The following NHSL1 variants were observed in gnomAD, a reference collection of about 807,000 sequenced individuals.
The protein encoded by NHSL1 is NHS like 1.
NHSL1 carries 48 observed loss-of-function variants against 95.0 expected under a neutral mutation model. The ratio of observed to expected loss-of-function variants is 0.51; its 90% confidence interval spans 0.40 to 0.64. NHSL1 has a LOEUF of 0.64. NHSL1 is among the 30% of genes least tolerant of loss of function. The pLI is 0.00. For synonymous variants in NHSL1, 783 were observed against 833.9 expected, an observed-to-expected ratio of 0.94 and a Z score of 1.05; for missense variants, 1,971 against 2,077.7, an observed-to-expected ratio of 0.95 and a Z score of 1.00.
Position 138,432,945 on chromosome 6 carries a change from G to C in NHSL1, c.1400C>G (p.Pro467Arg), listed in dbSNP as rs1775809276. ...RHAVKGDPQSPGRHWNEGHAT... is the reference protein window; with the variant it reads ...RHAVKGDPQSRGRHWNEGHAT... ...ATGGCCCTCATTCCAGTGGCGACCG[G>C]GAGACTGAGGATCACCTTTCACAGC... Residue 467 changes from proline to arginine, a missense_variant, in exon 6 of 8, where the codon CCC (proline) becomes CGC (arginine). Transcript: ENST00000343505. The surrounding 1 kb of genome is among the most constrained non-coding windows in gnomAD (Gnocchi z 4.4). The C allele has an allele frequency of 1.3e-6, 2 of 1,551,394 alleles. No individual in the cohort carries two copies. The highest frequency in any genetic ancestry group is 8.7e-7 in the Non-Finnish European group (1 of 1,146,752).
upstream of NHSL1, among the ~76,000 whole-genome samples, chr6:138,574,831 A>G (rs1162878251): frequency 6.6e-6 from 1 of 152,068 alleles, no homozygotes; most frequent in Non-Finnish European, 1.5e-5. Context: ...CAGCCTGGGC[A>G]ATAGAGTGAG....
upstream of NHSL1, among the ~76,000 whole-genome samples, chr6:138,550,041 A>G (rs1452082236): frequency 1.3e-5 from 2 of 152,128 alleles, no homozygotes; most frequent in Non-Finnish European, 2.9e-5. Flanking sequence ...GGAGTTTAAG[A>G]CCAGCCTGGC....
chr6:138,511,102 G>A (rs987360232), intron 1 of NHSL1, among the ~76,000 whole-genome samples: 8 of 152,158 alleles, frequency 5.3e-5, no homozygotes, highest in Admixed American at 2.0e-4. Context: ...TAATGGCACT[G>A]ACTTTGTAAA....
intron 1 of NHSL1, among the ~76,000 whole-genome samples, chr6:138,688,980 T>C (rs1369201788): frequency 6.6e-6 from 1 of 152,218 alleles, no homozygotes; most frequent in Non-Finnish European, 1.5e-5. Flanking sequence ...CTTAGTATTG[T>C]ATTTAGTACT....
chr6:138,568,659 GAA>G (rs1253958281), intron 1 of NHSL1, among the ~76,000 whole-genome samples: 2 of 152,184 alleles, frequency 1.3e-5, no homozygotes, highest in Admixed American at 6.5e-5. Flanking sequence ...ACATACAAAA[GAA>G]AACATACAGA....
chr6:138,447,411 C>T (rs1216092823), intron 3 of NHSL1, among the ~76,000 whole-genome samples: 1 of 152,144 alleles, frequency 6.6e-6, no homozygotes, highest in African/African-American at 2.4e-5. Flanking sequence ...GTGAGGACTG[C>T]AAAAGGTTCT....
Position 138,431,704 on chromosome 6 carries a change from G to A in NHSL1, c.2641C>T (p.Pro881Ser), listed in dbSNP as rs142676930. 5,207 of 1,551,778 alleles carry A rather than the reference G, an allele frequency of 3.4e-3. 17 individuals carry two copies. The highest frequency in any genetic ancestry group is 0.018 in the Middle Eastern group (108 of 5,992). Residue 881 changes from proline to serine, a missense_variant, in exon 6 of 8, where the codon CCC becomes TCC. This residue lies in a region of NHSL1 where 1,602 missense variants were observed against 1,654.5 expected (regional missense o/e 0.97). Coordinates refer to ENST00000343505, the MANE Select transcript of NHSL1 (RefSeq NM_001144060.2). This position sits in a 1 kb window ranked among gnomAD's most constrained non-coding sequence, Gnocchi z 4.0. ...TTCCTTTCTGGTACCTTGGGCTTGG[G>A]CTTCCCCTTCCCGTTTGCTGGTGAC... The part of the protein sequence containing the change: ...SVSPANGKGK[P>S]KPKVPERKSS...
At chr6:138,520,401 G>A (rs1374252765) in intron 1 of NHSL1, among the ~76,000 whole-genome samples, 3 of 141,986 alleles carry the variant, frequency 2.1e-5, no homozygotes, top group Non-Finnish European at 4.5e-5. Context: ...CAATTCTCCT[G>A]CCCTCCACCT....
At chr6:138,577,195 T>C (rs1408414526), upstream of NHSL1, among the ~76,000 whole-genome samples, 2 of 152,218 alleles carry the variant, frequency 1.3e-5, no homozygotes, top group Non-Finnish European at 2.9e-5. Flanking sequence ...GGAGACTTAA[T>C]AAAAAGTGTT....
intron 1 of NHSL1, among the ~76,000 whole-genome samples, chr6:138,656,803 C>T (rs565177762): frequency 4.1e-4 from 62 of 152,250 alleles, no homozygotes; most frequent in African/African-American, 1.5e-3. Context: ...AAGCGTTCAG[C>T]TTCAAAAGAA....
Position 138,431,931 on chromosome 6 carries a change from C to G in NHSL1, c.2414G>C (p.Gly805Ala). The G allele has an allele frequency of 6.4e-7, 1 of 1,551,734 alleles. No individual in the cohort carries two copies. Among genetic ancestry groups the G allele is most frequent in the Middle Eastern group, 1.7e-4 (1 of 5,992 alleles). ...GACTGGCCCGTTCCCAGTGGGCACC[C>G]CACTGCTGGTTGAACAGCCCCCTGC... Reference protein sequence around the residue: ...NPAGGCSTSSGVPTGNGPVRH... With the variant: ...NPAGGCSTSSAVPTGNGPVRH... Residue 805 changes from glycine to alanine, a missense_variant, in exon 6 of 8, where the codon GGG becomes GCG. Around this residue, in one of 3 missense-constraint regions of NHSL1, gnomAD observed 1,602 missense variants for 1,654.5 expected, o/e 0.97. Coordinates refer to ENST00000343505, the MANE Select transcript of NHSL1 (RefSeq NM_001144060.2). The surrounding 1 kb of genome is among the most constrained non-coding windows in gnomAD (Gnocchi z 4.0).
chr6:138,427,131 G>T (rs904069384), intron 7 of NHSL1, among the ~76,000 whole-genome samples: 3 of 152,186 alleles, frequency 2.0e-5, no homozygotes, highest in African/African-American at 7.2e-5. Context: ...TTGTAATTTA[G>T]ATTTTAAACG....
chr6:138,425,691 G>A (rs1234328979), intron 7 of NHSL1, among the ~76,000 whole-genome samples: 1 of 152,020 alleles, frequency 6.6e-6, no homozygotes, highest in Non-Finnish European at 1.5e-5. Flanking sequence ...CTTGTTCCAT[G>A]CCAGAATATC....
chr6:138,469,246 C>T (rs748032849), intron 3 of NHSL1, among the ~76,000 whole-genome samples: 12 of 152,156 alleles, frequency 7.9e-5, no homozygotes, highest in African/African-American at 1.9e-4. Flanking sequence ...CAGCCAATCA[C>T]GTACTATGCG....
rs181452247 is a variant in NHSL1, at chr6:138,483,052, G to T, written c.212-9619C>A. On this transcript the variant is annotated intron_variant, in intron 2 of 7. Transcript: ENST00000343505. ...CAATCAATGCTGATGCAGCTGTCCT[G>T]TGAGCCACACCGTGAGAAAACTGTT... Among the ~76,000 whole-genome samples, 176 of 152,328 alleles carry T rather than the reference G, an allele frequency of 1.2e-3. 1 individual carries two copies. Among genetic ancestry groups the T allele is most frequent in the African/African-American group, 3.6e-3 (149 of 41,566 alleles).
intron 1 of NHSL1, among the ~76,000 whole-genome samples, chr6:138,666,464 C>T (rs961456351): frequency 2.6e-5 from 4 of 151,802 alleles, no homozygotes; most frequent in Admixed American, 6.6e-5. Context: ...TGGTGGTGGG[C>T]GCCTATAGTC....
At chr6:138,606,969 G>A (rs533150974) in intron 1 of NHSL1, among the ~76,000 whole-genome samples, 4 of 152,194 alleles carry the variant, frequency 2.6e-5, no homozygotes, top group African/African-American at 9.6e-5. Context: ...TCCTGAAAGT[G>A]CTGGGATTAC....
At chr6:138,503,037 C>A (rs1277322056), upstream of NHSL1, among the ~76,000 whole-genome samples, 2 of 152,082 alleles carry the variant, frequency 1.3e-5, no homozygotes, top group Non-Finnish European at 2.9e-5. Context: ...TGCTCTATAC[C>A]CCCTGCTTCC....
chr6:138,478,377 C>G (rs916101980), intron 2 of NHSL1, among the ~76,000 whole-genome samples: 3 of 152,076 alleles, frequency 2.0e-5, no homozygotes, highest in African/African-American at 4.8e-5. Flanking sequence ...TTCATGGCAG[C>G]TGACCAATTT....
Sources: gnomAD v4.1 joint callset for allele counts (sites outside exome capture counted in the v4.1 genomes callset) on GRCh38, gnomAD v4.1.1 for gene constraint, gnomAD v4.1.1 regional missense constraint, Gnocchi (gnomAD v3.1) non-coding constraint, MANE v1.5 for transcripts, NCBI Gene and HGNC (gene_info 2026-07-23, HGNC 2026-07-21) for gene names.